NALF1: variants seen among roughly 807,000 people sequenced by gnomAD.
The protein encoded by NALF1 is NALCN channel auxiliary factor 1.
In NALF1, 3 loss-of-function variants were observed where a neutral mutation model predicts 48.4. The observed-to-expected ratio is 0.06, with a 90% confidence interval of 0.03 to 0.16. The LOEUF (loss-of-function observed/expected upper bound fraction) is 0.16. Among genes scored for constraint, NALF1 ranks in the 10% least tolerant of loss-of-function variants. The pLI is 1.00. For synonymous variants in NALF1, 262 were observed against 245.7 expected, an observed-to-expected ratio of 1.07 and a Z score of -0.62; for missense variants, 526 against 571.5, an observed-to-expected ratio of 0.92 and a Z score of 0.81.
chr13:107,649,512 T>C lies in NALF1; in HGVS notation c.915+216170A>G, dbSNP rs113835688. The stretch of plus-strand genomic sequence containing the variant: ...TATTTTCTTTGCCACACATGTACAA[T>C]TAAGTCCTGGGTTGTAGAGTTAATT... On this transcript the variant is annotated intron_variant, in intron 1 of 2. Coordinates refer to ENST00000375915, the MANE Select transcript of NALF1 (RefSeq NM_001080396.3). Among the ~76,000 whole-genome samples, 233 of 152,346 alleles carry C rather than the reference T, an allele frequency of 1.5e-3. 2 individuals are homozygous for C. Among genetic ancestry groups the C allele is most frequent in the African/African-American group, 5.1e-3 (214 of 41,580 alleles).
intron 1 of NALF1, among the ~76,000 whole-genome samples, chr13:107,557,195 T>C (rs950999601): frequency 6.6e-6 from 1 of 152,112 alleles, no homozygotes; most frequent in African/African-American, 2.4e-5. Flanking sequence ...TTGAAGAACA[T>C]TCGTTCACTG....
rs368599825 is a variant in NALF1 at position 107,325,592 on chromosome 13, T to C, written c.916-114837A>G. Among the ~76,000 whole-genome samples, 50 of 151,898 alleles carry C rather than the reference T, an allele frequency of 3.3e-4. 1 individual carries two copies. The East Asian group carries it at 8.6e-3, about 26-fold the overall frequency. On this transcript the variant is annotated intron_variant, in intron 1 of 2. Transcript: ENST00000375915. ...GTGGCTCACGCCTGTAATCCCAGCA[T>C]GTTGGGAGGCTGAGGCGGGTAGATC...
intron 1 of NALF1, among the ~76,000 whole-genome samples, chr13:107,262,769 GCTCTCTCTCTCT>G (rs1555329321): frequency 2.1e-5 from 3 of 144,036 alleles, no homozygotes; most frequent in African/African-American, 8.0e-5. Flanking sequence ...ACCCACAGGC[GCTCTCTCTCTCT>G]CTCTCTCTCT....
chr13:107,624,166 A>C (rs919887910), intron 1 of NALF1, among the ~76,000 whole-genome samples: 5 of 152,172 alleles, frequency 3.3e-5, no homozygotes, highest in African/African-American at 1.2e-4. Context: ...CAGAAATGTT[A>C]ATGAATTATC....
intron 1 of NALF1, among the ~76,000 whole-genome samples, chr13:107,241,051 T>TAAAAAAAA (rs34271681): frequency 1.5e-5 from 1 of 66,402 alleles, no homozygotes; most frequent in African/African-American, 6.2e-5. Context: ...CCATATCTAC[T>TAAAAAAAA]AAAAAAAAAA....
chr13:107,850,834 C>T (rs1269647199), intron 1 of NALF1, among the ~76,000 whole-genome samples: 2 of 151,664 alleles, frequency 1.3e-5, no homozygotes, highest in African/African-American at 4.9e-5. Flanking sequence ...ACCCAGGAGG[C>T]AGAGGTTGCA....
rs138163256 is a variant in NALF1, at chr13:107,631,477, G to A, written c.915+234205C>T. Among the ~76,000 whole-genome samples, 614 of 152,180 alleles carry A rather than the reference G, an allele frequency of 4.0e-3. 11 individuals are homozygous for A. The highest frequency in any genetic ancestry group is 0.024 in the East Asian group (125 of 5,172). The stretch of plus-strand genomic sequence containing the variant: ...TCACCTTAGTTTTGATTTTTAGTTC[G>A]TTGAATTATGAGAAAATTACTTCCA... On this transcript the variant is annotated intron_variant, in intron 1 of 2. Transcript: ENST00000375915.
intron 1 of NALF1, among the ~76,000 whole-genome samples, chr13:107,823,924 A>G (rs936537765): frequency 2.6e-5 from 4 of 152,082 alleles, no homozygotes; most frequent in Non-Finnish European, 4.4e-5. Flanking sequence ...TAATACATGT[A>G]AAGTGTTTCT....
rs756115777 is a variant in NALF1 at position 107,169,104 on chromosome 13, G to A, written c.*1393C>T. The A allele has an allele frequency of 1.3e-5, 2 of 152,478 alleles. No individual in the cohort carries two copies. Among genetic ancestry groups the A allele is most frequent in the African/African-American group, 2.4e-5 (1 of 41,368 alleles). The allele number at this position is 152,478 out of a possible 1,614,324, so 9.4% of individuals were successfully genotyped here. On this transcript the variant is annotated 3_prime_UTR_variant, in exon 3 of 3. Transcript: ENST00000375915. ...TTCATGTACACTCAGCAGGTGAAAT[G>A]TTCCCACAAAGAAAATAAAATACAA...
chr13:107,547,444 G>C (rs1204168608), intron 1 of NALF1, among the ~76,000 whole-genome samples: 1 of 152,136 alleles, frequency 6.6e-6, no homozygotes, highest in Non-Finnish European at 1.5e-5. Context: ...TTAAACAATT[G>C]TTGAATAATA....
rs1035889443 is a variant in NALF1 at position 107,595,720 on chromosome 13, G to A, written c.915+269962C>T. 4.6e-5 allele frequency among the ~76,000 whole-genome samples: 7 copies of A among 152,250 alleles called. No homozygotes were observed. The East Asian group carries it at 1.4e-3, about 29-fold the overall frequency. ...TATAGCTGTCACATGCATCATCTGT[G>A]ACCATGAGTGATGGAAAAGTGAAAA... On this transcript the variant is annotated intron_variant, in intron 1 of 2. Transcript: ENST00000375915.
At chr13:107,792,142 T>C (rs1431613768) in intron 1 of NALF1, among the ~76,000 whole-genome samples, 1 of 152,218 alleles carries the variant, frequency 6.6e-6, no homozygotes, top group Non-Finnish European at 1.5e-5. Context: ...GGTCTTACTA[T>C]GCTCAAAGAC....
intron 1 of NALF1, among the ~76,000 whole-genome samples, chr13:107,641,273 T>A (rs974806079): frequency 2.6e-5 from 4 of 152,116 alleles, no homozygotes; most frequent in African/African-American, 9.6e-5. Flanking sequence ...TGGAGGAGGA[T>A]GAAGACAAAT....
intron 1 of NALF1, among the ~76,000 whole-genome samples, chr13:107,306,586 A>T (rs1881940981): frequency 6.6e-6 from 1 of 152,200 alleles, no homozygotes; most frequent in South Asian, 2.1e-4. Flanking sequence ...AATGAACGAC[A>T]TTTTATTTTC....
At chr13:107,764,171 T>C (rs896700972) in intron 1 of NALF1, among the ~76,000 whole-genome samples, 1 of 152,168 alleles carries the variant, frequency 6.6e-6, no homozygotes, top group African/African-American at 2.4e-5. Flanking sequence ...CATATTTAGA[T>C]ATTGCAACAT....
chr13:107,400,525 C>T (rs199959366), intron 1 of NALF1, among the ~76,000 whole-genome samples: 2 of 151,714 alleles, frequency 1.3e-5, no homozygotes, highest in East Asian at 3.9e-4. Flanking sequence ...ACCATCCTGG[C>T]CAACATGGTG....
intron 1 of NALF1, among the ~76,000 whole-genome samples, chr13:107,593,585 T>C (rs1216191085): frequency 1.3e-5 from 2 of 151,992 alleles, no homozygotes; most frequent in South Asian, 2.1e-4. Context: ...CCTAAGTCTA[T>C]CTCCCCAAAT....
At chr13:107,184,431 A>G (rs1243462209) in intron 2 of NALF1, among the ~76,000 whole-genome samples, 2 of 151,562 alleles carry the variant, frequency 1.3e-5, no homozygotes, top group Non-Finnish European at 2.9e-5. Context: ...CCCTCTGATC[A>G]TTTTTATATT....
Position 107,714,626 on chromosome 13 carries a change from T to TAAAAAAAAAAA in NALF1, c.915+151045_915+151055dup, listed in dbSNP as rs10633995. Among the ~76,000 whole-genome samples the TAAAAAAAAAAA allele has an allele frequency of 1.4e-3, 173 of 126,436 alleles. 1 individual carries two copies. Among genetic ancestry groups the TAAAAAAAAAAA allele is most frequent in the Middle Eastern group, 4.2e-3 (1 of 238 alleles). The allele number at this position is 126,436 out of a possible 152,430, so 82.9% of individuals were successfully genotyped here. A position where few individuals can be genotyped will look rare whatever the true frequency, so the allele number is the denominator to read the frequency against. On this transcript the variant is annotated intron_variant, in intron 1 of 2. Transcript: ENST00000375915. ...CCTGGGTGACAGAGTGAGGCTTTATTAAAAAAAAAAAAAGAAAGATAAAAT... is the reference window on the plus strand; with the variant it reads ...CCTGGGTGACAGAGTGAGGCTTTATTAAAAAAAAAAAAAAAAAAAAAAAAGAAAGATAAAAT...
Sources: gnomAD v4.1 joint callset for allele counts (sites outside exome capture counted in the v4.1 genomes callset) on GRCh38, gnomAD v4.1.1 for gene constraint, MANE v1.5 for transcripts, NCBI Gene and HGNC (gene_info 2026-07-23, HGNC 2026-07-21) for gene names.